Variants in CNOT3 observed in about 807,000 individuals in gnomAD.
CNOT3 encodes the protein CCR4-associated factor 3.
In CNOT3, 2 loss-of-function variants were observed where a neutral mutation model predicts 89.4. The observed-to-expected ratio is 0.02, with a 90% CI of 0.01 to 0.07. The LOEUF is 0.07. CNOT3 is among the 10% of genes least tolerant of loss of function. The probability of loss-of-function intolerance (pLI) is 1.00; values close to 1 mark genes in which losing one functional copy is unlikely to be tolerated. For missense variants in CNOT3, 664 were observed against 1,010.2 expected, an observed-to-expected ratio of 0.66 and a Z score of 4.65; for synonymous variants, 486 against 402.0, an observed-to-expected ratio of 1.21 and a Z score of -2.50.
chr19:54,154,419 T>C (rs760323478), intron 17 of CNOT3: 38 of 215,166 alleles, frequency 1.8e-4, no homozygotes, highest in Non-Finnish European at 2.9e-4. Flanking sequence ...AATTAACTTA[T>C]CTGTAAAAAT....
rs1332412371 is a variant in CNOT3 at position 54,152,552 on chromosome 19, G to A, written c.1830G>A (p.Glu610=). 2.5e-6 allele frequency: 4 copies of A among 1,614,180 alleles called. No homozygotes were observed. In the South Asian group the frequency reaches 4.4e-5, roughly 18 times the overall value. Residue 610 remains glutamate (E), a synonymous_variant, in exon 15 of 18, where the codon GAG becomes GAA. Coordinates refer to ENST00000221232, the MANE Select transcript of CNOT3 (RefSeq NM_014516.4). ...TGGGCCCTGTGCCCCTCACCAAGGAGCAGCTCTATCAGCAGGCCATGGAAG... is the reference window on the plus strand; with the variant it reads ...TGGGCCCTGTGCCCCTCACCAAGGAACAGCTCTATCAGCAGGCCATGGAAG... The part of the protein sequence containing the change: ...CPLGPVPLTK[E]QLYQQAMEEA...
intron 17 of CNOT3, chr19:54,154,699 C>T (rs1486841390): frequency 6.5e-6 from 1 of 153,782 alleles, no homozygotes; most frequent in African/African-American, 2.4e-5. Flanking sequence ...CTTTGAAGCA[C>T]TTAAGACATT....
At position 54,144,116 on chromosome 19, in the gene CNOT3, G is replaced by A. The variant is rs1308611192; in HGVS notation, c.369G>A (p.Glu123=). 3 of 1,606,928 alleles carry A rather than the reference G, an allele frequency of 1.9e-6. No individual in the cohort carries two copies. The highest frequency in any genetic ancestry group is 2.5e-6 in the Non-Finnish European group (3 of 1,176,746). The change falls in exon 6 of 18, where the codon GAG becomes GAA. Residue 123 remains glutamate, a synonymous_variant. Coordinates refer to ENST00000221232, the MANE Select transcript of CNOT3 (RefSeq NM_014516.4). The surrounding 1 kb of genome is among the most constrained non-coding windows in gnomAD (Gnocchi z 4.8). ...KVDPAQKEKE[E]VGQWLTNTID... is the part of the protein sequence containing the mutation. ...ATCCTGCCCAGAAGGAGAAGGAAGAGGTTGGCCAGTGGCTCACGGTGAGTT... is the reference window on the plus strand; with the variant it reads ...ATCCTGCCCAGAAGGAGAAGGAAGAAGTTGGCCAGTGGCTCACGGTGAGTT...
At chr19:54,153,154 C>T (rs567293045) in intron 16 of CNOT3, 155 bp downstream of exon 16, 2 of 769,364 alleles carry the variant, frequency 2.6e-6, no homozygotes, top group East Asian at 2.4e-5. Context: ...TGCCCCAAAT[C>T]CACCTGTCCC....
At position 54,155,506 on chromosome 19, in the gene CNOT3, A is replaced by G; in HGVS notation, c.*99A>G. ...GAAGACTGGAGGGAGGCCCCAAGCC[A>G]CGGGGCATCCCCCTCTCCCAGGAAG... On this transcript the variant is annotated 3_prime_UTR_variant, in exon 18 of 18. Coordinates refer to ENST00000221232, the MANE Select transcript of CNOT3 (RefSeq NM_014516.4). 1.1e-6 allele frequency: 1 copy of G among 944,754 alleles called. No homozygotes were observed. Among genetic ancestry groups the G allele is most frequent in the Non-Finnish European group, 1.6e-6 (1 of 634,710 alleles). 58.5% of individuals were successfully genotyped at this position (944,754 alleles called of 1,614,324 possible).
At chr19:54,143,313 C>A in intron 3 of CNOT3, 127 bp downstream of exon 3, 3 of 1,089,566 alleles carry the variant, frequency 2.8e-6, no homozygotes, top group South Asian at 1.2e-5. Context: ...CTAAGAGAAT[C>A]AGCTCTAAGA....
At position 54,152,486 on chromosome 19, in the gene CNOT3, G is replaced by C; in HGVS notation, c.1764G>C (p.Leu588=). The C allele has an allele frequency of 6.2e-7, 1 of 1,614,220 alleles. No individual in the cohort carries two copies. The highest frequency in any genetic ancestry group is 1.1e-5 in the South Asian group (1 of 91,084). The change falls in exon 15 of 18, where the codon CTG becomes CTC. Residue 588 remains leucine (L), a synonymous_variant. Coordinates refer to ENST00000221232, the MANE Select transcript of CNOT3 (RefSeq NM_014516.4). ...PPASAQPPLQ[L]SEVNIPLSLG... ...CCTCAGCCCAGCCGCCCCTGCAGCT[G>C]TCAGAGGTGAACATACCGCTGTCGC...
chr19:54,149,495 C>T, intron 12 of CNOT3, 65 bp from the exon 13 acceptor site: 3 of 1,037,162 alleles, frequency 2.9e-6, no homozygotes, highest in Non-Finnish European at 4.1e-6. Flanking sequence ...TCCAGCCAGG[C>T]CTCTCTGCCC....
rs1334287487 is a variant in CNOT3, at chr19:54,155,622, A to G, written c.*215A>G. ...CCTCCTCCCCTCCCCAGTGAGGGAC[A>G]TTTTTTGGTAAACCTATTTTCATTT... On this transcript the variant is annotated 3_prime_UTR_variant, in exon 18 of 18. Transcript: ENST00000221232. 1 of 1,285,872 alleles carries G rather than the reference A, an allele frequency of 7.8e-7. No homozygotes were observed. The highest frequency in any genetic ancestry group is 1.5e-5 in the African/African-American group (1 of 66,972). The allele number at this position is 1,285,872 out of a possible 1,614,324, so 79.7% of individuals were successfully genotyped here.
chr19:54,147,542 A>G (rs759083038), intron 10 of CNOT3, among the ~76,000 whole-genome samples: 2 of 152,194 alleles, frequency 1.3e-5, no homozygotes, highest in African/African-American at 2.4e-5. Context: ...TGGTAAGCGC[A>G]AGGTGCCTGT....
chr19:54,140,138 T>G (rs1384863248), intron 1 of CNOT3, among the ~76,000 whole-genome samples: 1 of 152,072 alleles, frequency 6.6e-6, no homozygotes, highest in East Asian at 1.9e-4. Context: ...CTCGAGTCTT[T>G]GTGTGGTGGT....
intron 3 of CNOT3, 86 bp from the exon 4 acceptor site, chr19:54,143,356 G>T (rs1413638334): frequency 2.1e-6 from 3 of 1,428,414 alleles, no homozygotes; most frequent in Non-Finnish European, 3.0e-6. Flanking sequence ...GGGGGTCCTC[G>T]AGTCCCTAGC....
Position 54,155,432 on chromosome 19 carries a change from C to G in CNOT3, c.*25C>G, listed in dbSNP as rs1175015223. ...ACACCGGCCCCTCCCTCTACCCACC[C>G]CCTTCCCCCGCATGCTGATCCCCCT... On this transcript the variant is annotated 3_prime_UTR_variant, in exon 18 of 18. Transcript: ENST00000221232. The G allele has an allele frequency of 1.3e-6, 2 of 1,482,100 alleles. No homozygotes were observed. The highest frequency in any genetic ancestry group is 1.9e-5 in the Admixed American group (1 of 52,610). 91.8% of individuals were successfully genotyped at this position (1,482,100 alleles called of 1,614,324 possible).
At chr19:54,152,689 G>A in intron 15 of CNOT3, 63 bp downstream of exon 15, 4 of 1,372,732 alleles carry the variant, frequency 2.9e-6, no homozygotes, top group African/African-American at 1.4e-5. Context: ...GGCAGTGGCT[G>A]AACCTGTGAG....
rs1264460935 is a variant in CNOT3, at chr19:54,144,285, G to A, written c.436G>A (p.Val146Met). Residue 146 changes from valine (V) to methionine (M), a missense_variant, in exon 7 of 18, where the codon GTG becomes ATG. Transcript: ENST00000221232. The surrounding 1 kb of genome is among the most constrained non-coding windows in gnomAD (Gnocchi z 4.8). ...GCAGGTGGACCAGTTTGAGAGTGAA[G>A]TGGAGTCACTGTCAGTGCAGACACG... ...NMQVDQFESE[V>M]ESLSVQTRKK... The A allele has an allele frequency of 2.5e-6, 4 of 1,614,122 alleles. No homozygotes were observed. Among genetic ancestry groups the A allele is most frequent in the Admixed American group, 1.7e-5 (1 of 60,020 alleles).
rs748066954 is a variant in CNOT3, at chr19:54,146,694, ACTC to A, written c.894+41_894+43del. 103 of 1,185,580 alleles carry A rather than the reference ACTC, an allele frequency of 8.7e-5. 2 individuals carry two copies. The East Asian group carries it at 2.1e-3, about 25-fold the overall frequency. The allele number at this position is 1,185,580 out of a possible 1,614,324, so 73.4% of individuals were successfully genotyped here. On this transcript the variant is annotated intron_variant, in intron 10 of 17. Transcript: ENST00000221232. ...CCTGGACCGGGTGGGCACGCCATTC[ACTC>A]CTCTGTTGCTTCCCAAAGGCATCTT...
chr19:54,144,763 G>A lies in CNOT3; in HGVS notation c.483+431G>A, dbSNP rs1418284393. Among the ~76,000 whole-genome samples, 1 of 152,196 alleles carries A rather than the reference G, an allele frequency of 6.6e-6. No homozygotes were observed. Among genetic ancestry groups the A allele is most frequent in the East Asian group, 1.9e-4 (1 of 5,196 alleles). ...GAGAAGGCAGAGAACCAGGCCTGAA[G>A]GAAGACAGGAGTCTGGGACAAAGCT... On this transcript the variant is annotated intron_variant, in intron 7 of 17. Coordinates refer to ENST00000221232, the MANE Select transcript of CNOT3 (RefSeq NM_014516.4). The surrounding 1 kb of genome is among the most constrained non-coding windows in gnomAD (Gnocchi z 4.8).
At chr19:54,155,257 G>A (rs761763992) in intron 17 of CNOT3, 52 bp from the exon 18 acceptor site, 36 of 1,604,092 alleles carry the variant, frequency 2.2e-5, no homozygotes, top group Non-Finnish European at 2.9e-5. Context: ...GTCCGGCCCA[G>A]ATCCCAGACC....
At chr19:54,146,963 C>CA (rs2074707825) in intron 10 of CNOT3, among the ~76,000 whole-genome samples, 1 of 152,156 alleles carries the variant, frequency 6.6e-6, no homozygotes, top group African/African-American at 2.4e-5. Flanking sequence ...GTAACATGGG[C>CA]AAGTTGTGAC....
Sources: allele counts gnomAD v4.1 joint callset (sites outside exome capture counted in the v4.1 genomes callset), GRCh38; gene constraint gnomAD v4.1.1; non-coding constraint Gnocchi (gnomAD v3.1); transcripts MANE v1.5; gene names NCBI Gene and HGNC (gene_info 2026-07-23, HGNC 2026-07-21).